The following MPPED2 variants were observed in gnomAD, a reference collection of about 807,000 sequenced individuals.
MPPED2 encodes the protein metallophosphoesterase MPPED2.
MPPED2 carries 5 observed loss-of-function variants against 33.0 expected under a neutral mutation model. That is an observed-to-expected ratio of 0.15 (90% CI 0.08 to 0.32). The LOEUF (loss-of-function observed/expected upper bound fraction) is 0.32. MPPED2 is among the 10% of genes least tolerant of loss of function. The probability of loss-of-function intolerance (pLI) is 1.00; values close to 1 mark genes in which losing one functional copy is unlikely to be tolerated. For missense variants in MPPED2, 275 were observed against 372.1 expected (o/e 0.74, Z 2.15); for synonymous variants, 136 against 141.9 (o/e 0.96, Z 0.29).
At chr11:30,445,648 T>C (rs1180680162) in intron 4 of MPPED2, among the ~76,000 whole-genome samples, 1 of 152,194 alleles carries the variant, frequency 6.6e-6, no homozygotes, top group African/African-American at 2.4e-5. Flanking sequence ...GCCATTCTAC[T>C]TTCCATCTTT....
chr11:30,390,628 G>A (rs1947761160), intron 6 of MPPED2, among the ~76,000 whole-genome samples: 1 of 152,220 alleles, frequency 6.6e-6, no homozygotes, highest in Non-Finnish European at 1.5e-5. Context: ...GACTGTTTCG[G>A]TTAGCCTTTG....
intron 4 of MPPED2, among the ~76,000 whole-genome samples, chr11:30,480,520 C>A (rs936548023): frequency 1.3e-5 from 2 of 152,046 alleles, no homozygotes; most frequent in Admixed American, 1.3e-4. Context: ...CTCTTGTTAA[C>A]TAACAAAGCC....
chr11:30,536,232 G>T (rs559661443), intron 2 of MPPED2, 57 bp from the exon 3 acceptor site: 1 of 1,382,896 alleles, frequency 7.2e-7, no homozygotes, highest in East Asian at 2.5e-5. Context: ...CCTTGAAATT[G>T]TCGTCGCACA....
At chr11:30,516,101 G>C (rs1337061814) in intron 3 of MPPED2, among the ~76,000 whole-genome samples, 1 of 152,124 alleles carries the variant, frequency 6.6e-6, no homozygotes. Flanking sequence ...TTCCCACTGA[G>C]TTTGGATATA....
At chr11:30,504,970 C>T (rs751225633) in intron 3 of MPPED2, 19 of 423,428 alleles carry the variant, frequency 4.5e-5, no homozygotes, top group Non-Finnish European at 7.9e-5. Flanking sequence ...GACACCACAG[C>T]GGAAATGCTC....
intron 3 of MPPED2, among the ~76,000 whole-genome samples, chr11:30,511,299 G>C (rs1190288039): frequency 6.6e-6 from 1 of 152,154 alleles, no homozygotes; most frequent in African/African-American, 2.4e-5. Context: ...TAATAATGCA[G>C]CAAACAGAAC....
intron 3 of MPPED2, among the ~76,000 whole-genome samples, chr11:30,498,547 CAAAA>C (rs3062014): frequency 7.2e-5 from 9 of 124,324 alleles, no homozygotes; most frequent in Admixed American, 8.1e-5. Flanking sequence ...AAACTTGTCT[CAAAA>C]AAAAAAAAAA....
chr11:30,568,487 T>G (rs987321010), intron 2 of MPPED2, among the ~76,000 whole-genome samples: 3 of 152,198 alleles, frequency 2.0e-5, no homozygotes, highest in Admixed American at 6.5e-5. Context: ...TATCTGTTTA[T>G]AACATGGCAC....
intron 2 of MPPED2, among the ~76,000 whole-genome samples, chr11:30,552,409 T>A (rs925604043): frequency 4.6e-5 from 7 of 152,204 alleles, no homozygotes; most frequent in African/African-American, 1.7e-4. Context: ...TTAGTAAAAT[T>A]AAGAATATGT....
chr11:30,536,821 C>A (rs1954839144), intron 2 of MPPED2, among the ~76,000 whole-genome samples: 1 of 151,666 alleles, frequency 6.6e-6, no homozygotes, highest in Non-Finnish European at 1.5e-5. Flanking sequence ...GTTAAAAGAA[C>A]TTTGTCAAAC....
At chr11:30,535,403 A>T (rs1200031117) in intron 3 of MPPED2, among the ~76,000 whole-genome samples, 1 of 152,100 alleles carries the variant, frequency 6.6e-6, no homozygotes, top group East Asian at 1.9e-4. Flanking sequence ...ATATCCAGAA[A>T]ATTGCTATTA....
At chr11:30,558,414 T>TTTTTTTA (rs1414182814) in intron 2 of MPPED2, among the ~76,000 whole-genome samples, 1 of 151,714 alleles carries the variant, frequency 6.6e-6, no homozygotes, top group Non-Finnish European at 1.5e-5. Flanking sequence ...TCCTTCTTTT[T>TTTTTTTA]TTTTTTATTT....
At position 30,444,121 on chromosome 11, in the gene MPPED2, T is replaced by C. The variant is rs1949700161; in HGVS notation, c.537-26488A>G. 6.6e-5 allele frequency among the ~76,000 whole-genome samples: 10 copies of C among 152,174 alleles called. No homozygotes were observed. In the South Asian group the frequency reaches 1.9e-3, roughly 28 times the overall value. ...AGTCGATAAGCAAATGGCTATTCAC[T>C]GGAAAAGCAAAAAAGAAGCCAAATG... is the stretch of plus-strand genomic sequence containing the variant. On this transcript the variant is annotated intron_variant, in intron 4 of 6. Transcript: ENST00000358117.
chr11:30,386,819 C>G, exon 7 of MPPED2: 1 of 398,552 alleles, frequency 2.5e-6, no homozygotes, highest in Non-Finnish European at 4.4e-6. Flanking sequence ...GATTATTATA[C>G]AGGTCACACA....
chr11:30,466,665 G>A (rs913660053), intron 4 of MPPED2, among the ~76,000 whole-genome samples: 1 of 152,248 alleles, frequency 6.6e-6, no homozygotes, highest in Admixed American at 6.5e-5. Context: ...GGGCAGTGAT[G>A]CAAATGAACC....
At chr11:30,398,152 G>A (rs1015101974) in intron 6 of MPPED2, among the ~76,000 whole-genome samples, 3 of 152,078 alleles carry the variant, frequency 2.0e-5, no homozygotes, top group African/African-American at 7.2e-5. Context: ...TTCTTCCATA[G>A]CAGAGTTAAA....
chr11:30,466,198 A>C (rs1950701888), intron 4 of MPPED2, among the ~76,000 whole-genome samples: 1 of 152,274 alleles, frequency 6.6e-6, no homozygotes, highest in Non-Finnish European at 1.5e-5. Context: ...ATTTCTATAT[A>C]GAATCTAAGC....
chr11:30,398,092 T>G (rs186531571), intron 6 of MPPED2, among the ~76,000 whole-genome samples: 26 of 152,132 alleles, frequency 1.7e-4, no homozygotes, highest in Non-Finnish European at 2.2e-4. Context: ...AACATGGTAC[T>G]AATGATTCCT....
chr11:30,400,141 C>T (rs149728938), intron 6 of MPPED2, among the ~76,000 whole-genome samples: 202 of 152,282 alleles, frequency 1.3e-3, no homozygotes, highest in African/African-American at 4.5e-3. Flanking sequence ...AGTAGAGTGG[C>T]ACAATCAATT....
Sources: gnomAD v4.1 joint callset for allele counts (sites outside exome capture counted in the v4.1 genomes callset) on GRCh38, gnomAD v4.1.1 for gene constraint, MANE v1.5 for transcripts, NCBI Gene and HGNC (gene_info 2026-07-23, HGNC 2026-07-21) for gene names.